The following PKIB variants were observed in gnomAD, a reference collection of about 807,000 sequenced individuals.
PKIB encodes cAMP-dependent protein kinase inhibitor beta.
Under a neutral mutation model 4.5 loss-of-function variants are expected in PKIB, and 2 were observed. The ratio of observed to expected loss-of-function variants is 0.44; its 90% CI spans 0.18 to 1.39. The LOEUF (loss-of-function observed/expected upper bound fraction) is 1.39. Ranked by LOEUF, PKIB falls within the 40% of genes most tolerant of loss-of-function variation. The pLI is 0.27. For missense variants in PKIB, 94 were observed against 92.6 expected, an observed-to-expected ratio of 1.02 and a Z score of -0.06; for synonymous variants, 38 against 36.0, an observed-to-expected ratio of 1.06 and a Z score of -0.20.
intron 2 of PKIB, among the ~76,000 whole-genome samples, chr6:122,501,556 A>G (rs1776236829): frequency 6.6e-6 from 1 of 152,206 alleles, no homozygotes; most frequent in Admixed American, 6.5e-5. Context: ...TGGCTCGAGC[A>G]TTACTTTGGC....
At chr6:122,541,275 C>G (rs1450092247) in intron 2 of PKIB, among the ~76,000 whole-genome samples, 3 of 151,964 alleles carry the variant, frequency 2.0e-5, no homozygotes, top group Admixed American at 6.6e-5. Flanking sequence ...TTCTTCCTAG[C>G]TTTGATGGTC....
intron 2 of PKIB, among the ~76,000 whole-genome samples, chr6:122,565,320 A>G (rs1024873761): frequency 6.6e-6 from 1 of 152,108 alleles, no homozygotes; most frequent in African/African-American, 2.4e-5. Flanking sequence ...CTTATTTTCA[A>G]TGTTCTTGTC....
intron 3 of PKIB, among the ~76,000 whole-genome samples, chr6:122,679,430 G>GT (rs1253562337): frequency 6.6e-6 from 1 of 152,156 alleles, no homozygotes; most frequent in East Asian, 1.9e-4. Flanking sequence ...AGCTGAGATG[G>GT]TAAGATTTGC....
chr6:122,472,846 G>T (rs1394302260), intron 1 of PKIB, among the ~76,000 whole-genome samples: 4 of 152,046 alleles, frequency 2.6e-5, no homozygotes, highest in African/African-American at 9.7e-5. Flanking sequence ...AAGAATTGTG[G>T]AAATGCTTGT....
rs9388086 is a variant in PKIB at position 122,531,814 on chromosome 6, C to T, written c.-248+53875C>T. 7.2e-5 allele frequency among the ~76,000 whole-genome samples: 11 copies of T among 152,276 alleles called. No individual in the cohort carries two copies. The East Asian group carries it at 1.7e-3, about 24-fold the overall frequency. On this transcript the variant is annotated intron_variant, in intron 2 of 6. Coordinates refer to the PKIB transcript ENST00000392491. ...ATTGCTTAAGGCTGGGAATTTATACCGTTAATCTTTGTGGCTTTAGCACTC... is the reference window on the plus strand; with the variant it reads ...ATTGCTTAAGGCTGGGAATTTATACTGTTAATCTTTGTGGCTTTAGCACTC...
chr6:122,487,111 T>C (rs1775790021), intron 2 of PKIB, among the ~76,000 whole-genome samples: 2 of 152,186 alleles, frequency 1.3e-5, no homozygotes, highest in Admixed American at 1.3e-4. Flanking sequence ...TCTTTCTACA[T>C]TGAACATATT....
intron 2 of PKIB, among the ~76,000 whole-genome samples, chr6:122,668,576 A>G (rs894654390): frequency 1.3e-5 from 2 of 152,206 alleles, no homozygotes; most frequent in African/African-American, 2.4e-5. Context: ...GTCAATATGA[A>G]GTGGACAGTG....
chr6:122,713,556 G>A (rs1443493717), intron 3 of PKIB, among the ~76,000 whole-genome samples: 5 of 151,986 alleles, frequency 3.3e-5, no homozygotes, highest in Admixed American at 6.6e-5. Context: ...ATGTGCAATC[G>A]GTGTTGTATA....
At chr6:122,591,443 G>A (rs1430432808) in intron 3 of PKIB, among the ~76,000 whole-genome samples, 1 of 152,108 alleles carries the variant, frequency 6.6e-6, no homozygotes, top group Non-Finnish European at 1.5e-5. Context: ...CAAGGTGTTA[G>A]TTGAAGTCCA....
At chr6:122,504,974 A>G (rs148004921) in intron 2 of PKIB, among the ~76,000 whole-genome samples, 22 of 152,304 alleles carry the variant, frequency 1.4e-4, no homozygotes, top group Non-Finnish European at 3.1e-4. Context: ...GGAGGCTGCA[A>G]AACGCCCCGA....
At chr6:122,534,161 T>C (rs1401966550) in intron 2 of PKIB, among the ~76,000 whole-genome samples, 1 of 148,400 alleles carries the variant, frequency 6.7e-6, no homozygotes, top group Non-Finnish European at 1.5e-5. Context: ...ATATAATATA[T>C]ATAATACTAA....
chr6:122,537,716 G>T lies in PKIB; in HGVS notation c.-247-48205G>T, dbSNP rs551577055. Among the ~76,000 whole-genome samples the T allele has an allele frequency of 3.6e-4, 54 of 152,080 alleles. 1 individual carries two copies. The highest frequency in any genetic ancestry group is 3.4e-3 in the Middle Eastern group (1 of 294). ...CCCGTAAGGGGATGGCTGGGTCAAAGGGTATTTCTAGTTCTAGATCCCTGA... is the reference window on the plus strand; with the variant it reads ...CCCGTAAGGGGATGGCTGGGTCAAATGGTATTTCTAGTTCTAGATCCCTGA... On this transcript the variant is annotated intron_variant, in intron 2 of 6. Transcript: ENST00000392491.
chr6:122,519,950 G>A (rs939356583), intron 2 of PKIB, among the ~76,000 whole-genome samples: 1 of 152,058 alleles, frequency 6.6e-6, no homozygotes, highest in African/African-American at 2.4e-5. Flanking sequence ...TGAACTGTTG[G>A]CATTTTTCTC....
intron 2 of PKIB, among the ~76,000 whole-genome samples, chr6:122,546,942 AG>A (rs1772516122): frequency 6.6e-6 from 1 of 152,118 alleles, no homozygotes; most frequent in Non-Finnish European, 1.5e-5. Flanking sequence ...CAAATGCTAT[AG>A]CACAGAGATA....
At chr6:122,490,772 GCTATTT>G (rs1775915798) in intron 2 of PKIB, among the ~76,000 whole-genome samples, 1 of 152,174 alleles carries the variant, frequency 6.6e-6, no homozygotes, top group Non-Finnish European at 1.5e-5. Context: ...CTCAGTCTCA[GCTATTT>G]CTTTATAGCT....
rs182989202 is a variant in PKIB, at chr6:122,582,446, A to G, written c.-247-3475A>G. On this transcript the variant is annotated intron_variant, in intron 2 of 6. Transcript: ENST00000392491. ...TGACTCCAAAGGCCAAAAAATGTTT[A>G]TATTCCATAATGTGACATTAAACAT... Among the ~76,000 whole-genome samples, 280 of 152,184 alleles carry G rather than the reference A, an allele frequency of 1.8e-3. 3 individuals carry two copies. The highest frequency in any genetic ancestry group is 1.4e-3 in the East Asian group (7 of 5,180).
intron 3 of PKIB, among the ~76,000 whole-genome samples, chr6:122,678,547 C>G (rs1777773476): frequency 6.6e-6 from 1 of 151,658 alleles, no homozygotes; most frequent in Admixed American, 6.6e-5. Context: ...CTTTACTTGC[C>G]CTAATTTGGA....
At chr6:122,508,790 G>A (rs915102011) in intron 2 of PKIB, among the ~76,000 whole-genome samples, 5 of 151,606 alleles carry the variant, frequency 3.3e-5, no homozygotes, top group East Asian at 3.9e-4. Context: ...TTGCTCTGTC[G>A]CCCAGGCTGG....
At chr6:122,489,731 A>G (rs1346636084) in intron 2 of PKIB, among the ~76,000 whole-genome samples, 1 of 152,258 alleles carries the variant, frequency 6.6e-6, no homozygotes, top group Non-Finnish European at 1.5e-5. Context: ...GTTACTTCTT[A>G]TAAATATGAT....
Sources: gnomAD v4.1 joint callset for allele counts (sites outside exome capture counted in the v4.1 genomes callset) on GRCh38, gnomAD v4.1.1 for gene constraint, MANE v1.5 for transcripts, NCBI Gene and HGNC (gene_info 2026-07-23, HGNC 2026-07-21) for gene names.